Variants in PTPRT observed in about 807,000 individuals in gnomAD.
The protein encoded by PTPRT is protein tyrosine phosphatase receptor type T.
A neutral mutation model predicts 176.8 loss-of-function variants in PTPRT; 56 were observed. That is an observed-to-expected ratio of 0.32 (90% CI 0.26 to 0.40). The LOEUF is 0.40. PTPRT is among the 10% of genes least tolerant of loss of function. The pLI is 1.00. For missense variants in PTPRT, 1,540 were observed against 1,908.2 expected (o/e 0.81, Z 3.60); for synonymous variants, 783 against 739.0 (o/e 1.06, Z -0.96).
In PTPRT at chr20:42,549,283, T is replaced by TA. The variant is rs11480130; in HGVS notation, c.1154-76722dup. 5.9e-3 allele frequency among the ~76,000 whole-genome samples: 898 copies of TA among 151,766 alleles called. 13 individuals carry two copies. Among genetic ancestry groups the TA allele is most frequent in the African/African-American group, 0.021 (855 of 41,384 alleles). ...TACATACAGTAATCTGGATGGAAGT[T>TA]AAAAAAATAGTACTGATTGAAAAAA... On this transcript the variant is annotated intron_variant, in intron 7 of 30. Transcript: ENST00000373187.
At chr20:42,350,811 A>C in intron 10 of PTPRT, 81 bp from the exon 11 acceptor site, 1 of 1,025,972 alleles carries the variant, frequency 9.7e-7, no homozygotes, top group Non-Finnish European at 1.5e-6. Context: ...GCCATCCTTA[A>C]AGACACAGCA....
At chr20:42,608,189 T>C (rs1035223276) in intron 7 of PTPRT, among the ~76,000 whole-genome samples, 1 of 152,132 alleles carries the variant, frequency 6.6e-6, no homozygotes, top group African/African-American at 2.4e-5. Flanking sequence ...CCGGAATAAG[T>C]ACTCAATAGC....
At chr20:42,184,579 C>CTTCTTCTTCTTCTTCTTCTTCTTCT (rs1568652381) in intron 16 of PTPRT, among the ~76,000 whole-genome samples, 4 of 139,764 alleles carry the variant, frequency 2.9e-5, no homozygotes, top group South Asian at 2.5e-4. Context: ...TCTTCTTCTT[C>CTTCTTCTTCTTCTTCTTCTTCTTCT]TTCTTCTTCT....
At chr20:42,592,915 G>C (rs575929029) in intron 7 of PTPRT, among the ~76,000 whole-genome samples, 5 of 152,296 alleles carry the variant, frequency 3.3e-5, no homozygotes, top group South Asian at 4.1e-4. Flanking sequence ...AAGTCACATG[G>C]GGGAATAACC....
intron 7 of PTPRT, among the ~76,000 whole-genome samples, chr20:42,632,318 A>C (rs2074426477): frequency 6.6e-6 from 1 of 152,160 alleles, no homozygotes; most frequent in Non-Finnish European, 1.5e-5. Flanking sequence ...GGCTCACTGC[A>C]ATCTCTGCCT....
chr20:43,146,723 C>T (rs1041385143), intron 1 of PTPRT, among the ~76,000 whole-genome samples: 4 of 152,106 alleles, frequency 2.6e-5, no homozygotes, highest in Admixed American at 6.6e-5. Flanking sequence ...TTTCAAAGCC[C>T]GGTGCTAATT....
At chr20:42,950,217 C>T (rs1981153904) in intron 1 of PTPRT, among the ~76,000 whole-genome samples, 1 of 152,214 alleles carries the variant, frequency 6.6e-6, no homozygotes, top group South Asian at 2.1e-4. Context: ...TCAAACTGAA[C>T]TCCCCACGCC....
At chr20:42,707,341 C>T (rs1029833897) in intron 6 of PTPRT, among the ~76,000 whole-genome samples, 2 of 151,974 alleles carry the variant, frequency 1.3e-5, no homozygotes, top group Non-Finnish European at 2.9e-5. Context: ...ATGCATATGC[C>T]GAGATAGCAT....
chr20:42,191,453 A>G (rs1370142950), intron 16 of PTPRT, among the ~76,000 whole-genome samples: 2 of 152,210 alleles, frequency 1.3e-5, no homozygotes, highest in African/African-American at 4.8e-5. Flanking sequence ...ACTCAGCCCA[A>G]TGTAGAGGGT....
At chr20:42,143,504 C>G (rs1988721968) in intron 17 of PTPRT, among the ~76,000 whole-genome samples, 1 of 149,034 alleles carries the variant, frequency 6.7e-6, no homozygotes, top group Non-Finnish European at 1.5e-5. Context: ...TGGCAATGAG[C>G]TGAGAGCACG....
intron 9 of PTPRT, among the ~76,000 whole-genome samples, chr20:42,405,924 A>G: frequency 6.6e-6 from 1 of 152,204 alleles, no homozygotes; most frequent in South Asian, 2.1e-4. Context: ...ATATAATTCA[A>G]TTAAAAAGAA....
intron 1 of PTPRT, among the ~76,000 whole-genome samples, chr20:42,919,187 A>C (rs1196177382): frequency 2.0e-5 from 3 of 152,142 alleles, no homozygotes; most frequent in Non-Finnish European, 4.4e-5. Flanking sequence ...GATGGCATAA[A>C]GGGACACCCA....
intron 7 of PTPRT, among the ~76,000 whole-genome samples, chr20:42,579,278 T>A (rs895160214): frequency 6.6e-5 from 10 of 152,136 alleles, no homozygotes; most frequent in African/African-American, 1.2e-4. Context: ...ATGGTGTATA[T>A]GGGCCACATT....
At chr20:43,121,588 A>G (rs982308368) in intron 1 of PTPRT, among the ~76,000 whole-genome samples, 9 of 152,332 alleles carry the variant, frequency 5.9e-5, no homozygotes, top group African/African-American at 2.2e-4. Flanking sequence ...GCACCTGTGC[A>G]TATGCTTAGT....
intron 1 of PTPRT, among the ~76,000 whole-genome samples, chr20:43,175,619 A>G (rs62205319): frequency 0.076 from 2,030 of 26,582 alleles, 10 homozygotes; most frequent in Middle Eastern, 0.11. Flanking sequence ...CTGCACTCCA[A>G]CCTGGCAACA....
chr20:42,548,068 G>T (rs2072706877), intron 7 of PTPRT, among the ~76,000 whole-genome samples: 1 of 151,886 alleles, frequency 6.6e-6, no homozygotes, highest in Non-Finnish European at 1.5e-5. Flanking sequence ...TAAGGTAATG[G>T]ACATGAAAAA....
intron 13 of PTPRT, among the ~76,000 whole-genome samples, chr20:42,270,989 T>C (rs2056924974): frequency 6.6e-6 from 1 of 152,202 alleles, no homozygotes; most frequent in Admixed American, 6.5e-5. Context: ...CAACCTTGTG[T>C]TTCACATGGA....
At chr20:42,427,251 G>A (rs1321554664) in intron 9 of PTPRT, among the ~76,000 whole-genome samples, 1 of 152,166 alleles carries the variant, frequency 6.6e-6, no homozygotes. Flanking sequence ...AGGTTAAGAA[G>A]TACCATGGGA....
chr20:42,754,481 G>T (rs535352190), intron 6 of PTPRT, among the ~76,000 whole-genome samples: 17 of 152,122 alleles, frequency 1.1e-4, no homozygotes, highest in South Asian at 4.1e-4. Context: ...GTTTCACCAT[G>T]TTGGCCAGGC....
Sources: allele counts gnomAD v4.1 joint callset (sites outside exome capture counted in the v4.1 genomes callset), GRCh38; gene constraint gnomAD v4.1.1; transcripts MANE v1.5; gene names NCBI Gene and HGNC (gene_info 2026-07-23, HGNC 2026-07-21).